The following DDAH1 variants were observed in gnomAD, a reference collection of about 807,000 sequenced individuals.
DDAH1 encodes the protein N(G),N(G)-dimethylarginine dimethylaminohydrolase 1.
A neutral mutation model predicts 28.8 loss-of-function variants in DDAH1; 19 were observed. The ratio of observed to expected loss-of-function variants is 0.66; its 90% CI spans 0.46 to 0.97. The LOEUF is 0.97. Among genes scored for constraint, DDAH1 ranks in the 50% least tolerant of loss-of-function variants. DDAH1 has a pLI of 0.00. For missense variants in DDAH1, 326 were observed against 375.9 expected (o/e 0.87, Z 1.10); for synonymous variants, 153 against 154.4 (o/e 0.99, Z 0.07).
intron 4 of DDAH1, among the ~76,000 whole-genome samples, chr1:85,339,110 C>T (rs115427463): frequency 0.044 from 6,684 of 151,412 alleles, 517 homozygotes; most frequent in African/African-American, 0.15. Context: ...GTTACTGCTA[C>T]TGATAATATG....
At chr1:85,468,017 G>T (rs1655446774), upstream of DDAH1, among the ~76,000 whole-genome samples, 1 of 152,174 alleles carries the variant, frequency 6.6e-6, no homozygotes, top group South Asian at 2.1e-4. Context: ...AAGATGATTG[G>T]ACTTGGTTTA....
chr1:85,393,103 C>T (rs964126245), intron 1 of DDAH1, among the ~76,000 whole-genome samples: 1 of 152,064 alleles, frequency 6.6e-6, no homozygotes, highest in Non-Finnish European at 1.5e-5. Flanking sequence ...TGTTTTATTC[C>T]CTCAAACGAA....
At chr1:85,371,900 T>A (rs534571237) in intron 1 of DDAH1, among the ~76,000 whole-genome samples, 8 of 152,340 alleles carry the variant, frequency 5.3e-5, no homozygotes, top group East Asian at 3.9e-4. Context: ...TCTCAACAGC[T>A]GGTACAAGTT....
At position 85,575,313 on chromosome 1, in the gene DDAH1, C is replaced by T. The variant is rs566363056; in HGVS notation, c.-123+2671G>A. Among the ~76,000 whole-genome samples the T allele has an allele frequency of 3.6e-4, 55 of 152,274 alleles. No individual in the cohort carries two copies. In the Middle Eastern group the frequency reaches 0.01, roughly 28 times the overall value. ...ACAGTGAACACCCAGACTGATGAAC[C>T]ATCAAGTAAGTGATGCTGAAACCTT... is the stretch of plus-strand genomic sequence containing the variant. On this transcript the variant is annotated intron_variant, in intron 1 of 6. Transcript: ENST00000426972.
In DDAH1 at chr1:85,464,658, G is replaced by A. The variant is rs1570578075; in HGVS notation, c.303+85C>T. 5 of 1,465,256 alleles carry A rather than the reference G, an allele frequency of 3.4e-6. No individual in the cohort carries two copies. Among genetic ancestry groups the A allele is most frequent in the Non-Finnish European group, 4.5e-6 (5 of 1,110,624 alleles). 90.8% of individuals were successfully genotyped at this position (1,465,256 alleles called of 1,614,324 possible). A position where few individuals can be genotyped will look rare whatever the true frequency, so the allele number is the denominator to read the frequency against. On this transcript the variant is annotated intron_variant, in intron 1 of 5. Coordinates refer to ENST00000284031, the MANE Select transcript of DDAH1 (RefSeq NM_012137.4). This position sits in a 1 kb window ranked among gnomAD's most constrained non-coding sequence, Gnocchi z 4.4. ...TGAACTACTAGCCCGAGGGCCAATG[G>A]CGCGACTCCCCAGGCAACACGGCGG... is the stretch of plus-strand genomic sequence containing the variant.
chr1:85,564,760 C>A (rs1012527035), intron 1 of DDAH1, among the ~76,000 whole-genome samples: 2 of 151,558 alleles, frequency 1.3e-5, no homozygotes, highest in African/African-American at 4.9e-5. Flanking sequence ...ATCCCAGCTA[C>A]TCAGGAGGCT....
At chr1:85,468,984 C>T (rs374526573), upstream of DDAH1, among the ~76,000 whole-genome samples, 15 of 152,230 alleles carry the variant, frequency 9.9e-5, no homozygotes, top group East Asian at 2.1e-3. Flanking sequence ...TGGGTGGGGA[C>T]ACAGTCAAAC....
At chr1:85,450,065 T>C (rs1654600973) in intron 1 of DDAH1, among the ~76,000 whole-genome samples, 1 of 152,222 alleles carries the variant, frequency 6.6e-6, no homozygotes, top group African/African-American at 2.4e-5. Context: ...CTCAGGTCTT[T>C]TGCAAGTAAG....
At chr1:85,328,789 A>G (rs765908787) in intron 4 of DDAH1, among the ~76,000 whole-genome samples, 4 of 152,218 alleles carry the variant, frequency 2.6e-5, no homozygotes, top group Admixed American at 1.3e-4. Context: ...AACAAAATCT[A>G]GAAAATCTAT....
At chr1:85,527,490 T>C (rs1239592158) in intron 1 of DDAH1, among the ~76,000 whole-genome samples, 2 of 152,218 alleles carry the variant, frequency 1.3e-5, no homozygotes, top group Non-Finnish European at 2.9e-5. Context: ...ACTATAATGT[T>C]AGGCAAGACT....
intron 1 of DDAH1, among the ~76,000 whole-genome samples, chr1:85,539,985 A>C (rs1658422437): frequency 6.6e-6 from 1 of 152,042 alleles, no homozygotes; most frequent in Non-Finnish European, 1.5e-5. Context: ...TATCCTTGAA[A>C]ATGAAATCAA....
chr1:85,372,018 T>C (rs146482736), intron 1 of DDAH1, among the ~76,000 whole-genome samples: 19 of 152,248 alleles, frequency 1.2e-4, no homozygotes, highest in East Asian at 1.2e-3. Flanking sequence ...GCTTTTTTTT[T>C]CCTTCCTAGT....
intron 4 of DDAH1, among the ~76,000 whole-genome samples, chr1:85,348,555 C>T (rs910536221): frequency 3.3e-5 from 5 of 152,150 alleles, no homozygotes; most frequent in Admixed American, 6.5e-5. Flanking sequence ...ATGTACTTTG[C>T]TCAGTCTTTG....
intron 1 of DDAH1, among the ~76,000 whole-genome samples, chr1:85,527,159 G>A (rs560707268): frequency 6.6e-6 from 1 of 152,310 alleles, no homozygotes; most frequent in East Asian, 1.9e-4. Context: ...CTGTGCTGCT[G>A]GAAACTCTGC....
intron 1 of DDAH1, among the ~76,000 whole-genome samples, chr1:85,411,056 C>T (rs1652632589): frequency 6.6e-6 from 1 of 152,170 alleles, no homozygotes; most frequent in African/African-American, 2.4e-5. Flanking sequence ...TCTACCCAAG[C>T]ATATTCTTCA....
At chr1:85,332,202 C>T (rs1647818926) in intron 4 of DDAH1, among the ~76,000 whole-genome samples, 1 of 152,176 alleles carries the variant, frequency 6.6e-6, no homozygotes, top group African/African-American at 2.4e-5. Context: ...TGCCCTGGGA[C>T]CCAGCAACCC....
intron 1 of DDAH1, among the ~76,000 whole-genome samples, chr1:85,405,534 G>A (rs1652363368): frequency 6.6e-6 from 1 of 152,108 alleles, no homozygotes; most frequent in South Asian, 2.1e-4. Flanking sequence ...GTCGTGGTCT[G>A]GATCAACAGG....
chr1:85,511,460 C>T (rs368095568), intron 1 of DDAH1, among the ~76,000 whole-genome samples: 7 of 152,252 alleles, frequency 4.6e-5, no homozygotes, highest in African/African-American at 1.4e-4. Flanking sequence ...CAAGAGCAAA[C>T]ACATTCAAAA....
chr1:85,430,171 C>CCA (rs1653608128), intron 1 of DDAH1, among the ~76,000 whole-genome samples: 1 of 152,164 alleles, frequency 6.6e-6, no homozygotes, highest in Admixed American at 6.5e-5. Flanking sequence ...TTCCTCATTG[C>CCA]TTGTTTTTGT....
Sources: gnomAD v4.1 joint callset for allele counts (sites outside exome capture counted in the v4.1 genomes callset) on GRCh38, gnomAD v4.1.1 for gene constraint, Gnocchi (gnomAD v3.1) non-coding constraint, MANE v1.5 for transcripts, NCBI Gene and HGNC (gene_info 2026-07-23, HGNC 2026-07-21) for gene names.